Variants in GRM7 observed in about 807,000 individuals in gnomAD.
The protein encoded by GRM7 is glutamate metabotropic receptor 7, also known as metabotropic glutamate receptor 7.
GRM7 carries 35 observed loss-of-function variants against 84.5 expected under a neutral mutation model. The observed-to-expected ratio is 0.41, with a 90% CI of 0.32 to 0.55. GRM7 has a LOEUF of 0.55. GRM7 is among the 20% of genes least tolerant of loss of function. The probability of loss-of-function intolerance (pLI) is 0.19; values close to 1 mark genes in which losing one functional copy is unlikely to be tolerated. For missense variants in GRM7, 1,003 were observed against 1,194.6 expected, an observed-to-expected ratio of 0.84 and a Z score of 2.36; for synonymous variants, 487 against 455.1, an observed-to-expected ratio of 1.07 and a Z score of -0.89.
intron 2 of GRM7, among the ~76,000 whole-genome samples, chr3:7,224,820 G>A (rs1696930498): frequency 6.6e-6 from 1 of 152,078 alleles, no homozygotes; most frequent in Non-Finnish European, 1.5e-5. Flanking sequence ...GGGGTGCAAG[G>A]TCATACCAAA....
intron 1 of GRM7, among the ~76,000 whole-genome samples, chr3:6,885,136 T>C (rs890650104): frequency 2.4e-4 from 37 of 152,114 alleles, no homozygotes; most frequent in African/African-American, 7.5e-4. Flanking sequence ...AAATTGAGGC[T>C]TAGCCCGAGA....
At chr3:7,396,165 C>T (rs115033795) in intron 4 of GRM7, among the ~76,000 whole-genome samples, 1 of 152,052 alleles carries the variant, frequency 6.6e-6, no homozygotes, top group Non-Finnish European at 1.5e-5. Flanking sequence ...GACCCAAGTA[C>T]ACCTGGGAGA....
intron 4 of GRM7, among the ~76,000 whole-genome samples, chr3:7,356,258 A>G (rs542714133): frequency 6.6e-6 from 1 of 152,150 alleles, no homozygotes; most frequent in South Asian, 2.1e-4. Context: ...ATTTGCGTCC[A>G]CATGAATGTT....
intron 8 of GRM7, among the ~76,000 whole-genome samples, chr3:7,612,849 A>G (rs1696905110): frequency 6.6e-6 from 1 of 152,212 alleles, no homozygotes; most frequent in Admixed American, 6.5e-5. Context: ...TAGTTTGTAA[A>G]GAGGACCAAT....
chr3:7,154,495 G>T (rs1275812705), intron 2 of GRM7, among the ~76,000 whole-genome samples: 2 of 152,058 alleles, frequency 1.3e-5, no homozygotes, highest in East Asian at 3.9e-4. Flanking sequence ...AATTTGAGAG[G>T]GTATGAAAAG....
rs142321427 is a variant in GRM7 at position 7,322,819 on chromosome 3, A to G, written c.1033+16167A>G. 5.3e-4 allele frequency among the ~76,000 whole-genome samples: 81 copies of G among 152,116 alleles called. 2 individuals are homozygous for G. The East Asian group carries it at 0.013, about 24-fold the overall frequency. On this transcript the variant is annotated intron_variant, in intron 4 of 9. Coordinates refer to ENST00000357716, the MANE Select transcript of GRM7 (RefSeq NM_000844.4). Reference sequence around the variant, plus strand: ...ACTCTATATAGGGAGTGGGAGATGTACGAGTTGAAGCACAAAATTCGTTAT... The same window carrying G: ...ACTCTATATAGGGAGTGGGAGATGTGCGAGTTGAAGCACAAAATTCGTTAT...
intron 5 of GRM7, among the ~76,000 whole-genome samples, chr3:7,436,210 A>G (rs1277610794): frequency 6.6e-6 from 1 of 151,914 alleles, no homozygotes; most frequent in Non-Finnish European, 1.5e-5. Flanking sequence ...GTTGTTTTCT[A>G]TTTCATCTAT....
chr3:7,002,308 G>C (rs1398107554), intron 1 of GRM7, among the ~76,000 whole-genome samples: 1 of 152,076 alleles, frequency 6.6e-6, no homozygotes, highest in South Asian at 2.1e-4. Flanking sequence ...TTAGACTTGG[G>C]TTCCTCTACT....
intron 1 of GRM7, among the ~76,000 whole-genome samples, chr3:6,909,713 C>G (rs1270370200): frequency 1.3e-5 from 2 of 152,088 alleles, no homozygotes; most frequent in African/African-American, 4.8e-5. Flanking sequence ...TCATGACATT[C>G]TTTCCCTTTG....
chr3:6,873,877 CA>C (rs1695211852), intron 1 of GRM7, among the ~76,000 whole-genome samples: 2 of 152,156 alleles, frequency 1.3e-5, no homozygotes, highest in Admixed American at 1.3e-4. Flanking sequence ...GATGTTAAGG[CA>C]AAGCAGGGTG....
At chr3:7,256,576 G>T (rs1045399629) in intron 2 of GRM7, among the ~76,000 whole-genome samples, 1 of 151,976 alleles carries the variant, frequency 6.6e-6, no homozygotes, top group East Asian at 1.9e-4. Flanking sequence ...TAGTAATATG[G>T]CTATTTTATC....
intron 7 of GRM7, among the ~76,000 whole-genome samples, chr3:7,479,885 T>G (rs930123246): frequency 1.3e-5 from 2 of 152,196 alleles, no homozygotes; most frequent in South Asian, 2.1e-4. Context: ...GATTTTTAAA[T>G]TCACATAAAA....
chr3:7,530,393 G>T (rs1700990646), intron 7 of GRM7, among the ~76,000 whole-genome samples: 2 of 152,094 alleles, frequency 1.3e-5, no homozygotes, highest in Admixed American at 6.6e-5. Context: ...GAACAGTGCT[G>T]CAATAAACAA....
chr3:7,159,175 A>G (rs1694545700), intron 2 of GRM7, among the ~76,000 whole-genome samples: 1 of 152,230 alleles, frequency 6.6e-6, no homozygotes, highest in African/African-American at 2.4e-5. Context: ...AATTTGAACC[A>G]AAACATTAAA....
chr3:7,384,648 T>C (rs962668440), intron 4 of GRM7, among the ~76,000 whole-genome samples: 3 of 152,218 alleles, frequency 2.0e-5, no homozygotes, highest in African/African-American at 4.8e-5. Context: ...GTCTTCAAAA[T>C]CTTGGATGTC....
At chr3:7,680,364 C>A in intron 9 of GRM7, 69 bp downstream of exon 9, 2 of 1,509,542 alleles carry the variant, frequency 1.3e-6, no homozygotes, top group Non-Finnish European at 1.8e-6. Flanking sequence ...GTGGGGTGTG[C>A]TTGCCTCTCT....
At chr3:7,007,698 A>C (rs1439356859) in intron 1 of GRM7, among the ~76,000 whole-genome samples, 1 of 152,328 alleles carries the variant, frequency 6.6e-6, no homozygotes, top group South Asian at 2.1e-4. Flanking sequence ...TTTATTTATG[A>C]AAGAGTTTTA....
chr3:6,925,785 C>T (rs897115487), intron 1 of GRM7, among the ~76,000 whole-genome samples: 16 of 152,162 alleles, frequency 1.1e-4, no homozygotes, highest in African/African-American at 3.9e-4. Flanking sequence ...CCTACCTTGT[C>T]CTGGTGGAAC....
At chr3:7,690,299 G>A (rs556002613) in intron 9 of GRM7, among the ~76,000 whole-genome samples, 1 of 152,234 alleles carries the variant, frequency 6.6e-6, no homozygotes, top group South Asian at 2.1e-4. Flanking sequence ...CTTGGAATGA[G>A]TAGCGCACAA....
Sources: gnomAD v4.1 joint callset for allele counts (sites outside exome capture counted in the v4.1 genomes callset) on GRCh38, gnomAD v4.1.1 for gene constraint, MANE v1.5 for transcripts, NCBI Gene and HGNC (gene_info 2026-07-23, HGNC 2026-07-21) for gene names.